BCO2: variants seen among roughly 807,000 people sequenced by gnomAD.
BCO2 encodes the protein beta-carotene oxygenase 2, also known as carotenoid-cleaving dioxygenase, mitochondrial.
BCO2 carries 56 observed loss-of-function variants against 65.8 expected under a neutral mutation model. That is an observed-to-expected ratio of 0.85 (90% CI 0.69 to 1.06). The LOEUF (loss-of-function observed/expected upper bound fraction) is 1.06, where lower values mean the gene tolerates loss of function less well. Ranked by LOEUF, BCO2 falls within the 50% of genes least tolerant of loss-of-function variation. BCO2 has a pLI of 0.00. For missense variants in BCO2, 675 were observed against 698.5 expected (o/e 0.97, Z 0.38); for synonymous variants, 233 against 242.3 (o/e 0.96, Z 0.36).
intron 8 of BCO2, among the ~76,000 whole-genome samples, chr11:112,211,846 C>T (rs1236538503): frequency 6.6e-6 from 1 of 152,176 alleles, no homozygotes; most frequent in Non-Finnish European, 1.5e-5. Context: ...CTCACCAGTG[C>T]CTTCAGGCAG....
rs182461794 is a variant in BCO2, at chr11:112,194,005, G to C, written c.633+11G>C. 1,601 of 1,380,390 alleles carry C rather than the reference G, an allele frequency of 1.2e-3. 18 individuals carry two copies. In the African/African-American group the frequency reaches 0.02, roughly 17 times the overall value. 85.5% of individuals were successfully genotyped at this position (1,380,390 alleles called of 1,614,324 possible). ...GAAAAAACAGAAAAGGTAAAGTACAGGTAAAAAAAAATGAATAAAATAGAT... is the reference window on the plus strand; with the variant it reads ...GAAAAAACAGAAAAGGTAAAGTACACGTAAAAAAAAATGAATAAAATAGAT... On this transcript the variant is annotated intron_variant, in intron 4 of 11. Transcript: ENST00000357685.
At chr11:112,216,172 C>T (rs755878764) in intron 10 of BCO2, 48 bp from the exon 11 acceptor site, 35 of 1,290,494 alleles carry the variant, frequency 2.7e-5, no homozygotes, top group Non-Finnish European at 3.5e-5. Flanking sequence ...TAGAAAGCTC[C>T]CTACTTACTA....
At chr11:112,216,479 A>C in intron 11 of BCO2, 149 bp downstream of exon 11, 2 of 579,770 alleles carry the variant, frequency 3.4e-6, no homozygotes, top group Non-Finnish European at 6.1e-6. Context: ...CTTTTATCTC[A>C]ATCCATATTT....
At chr11:112,208,005 G>A (rs895274819) in intron 8 of BCO2, among the ~76,000 whole-genome samples, 2 of 151,484 alleles carry the variant, frequency 1.3e-5, no homozygotes, top group Admixed American at 1.3e-4. Context: ...TGTCACCAAG[G>A]CTGGAGTGCA....
chr11:112,185,631 T>A (rs1592838851), intron 2 of BCO2, among the ~76,000 whole-genome samples: 1 of 152,194 alleles, frequency 6.6e-6, no homozygotes, highest in African/African-American at 2.4e-5. Context: ...TATGTAGTAT[T>A]TTTTGCTCCA....
In BCO2 at chr11:112,179,465, C is replaced by T. The variant is rs539947425; in HGVS notation, c.276C>T (p.Phe92=). 6 of 1,613,948 alleles carry T rather than the reference C, an allele frequency of 3.7e-6. No homozygotes were observed. The highest frequency in any genetic ancestry group is 2.7e-5 in the African/African-American group (2 of 74,964). ...GSLLRIGPGK[F]EFGKDKYNHW... ...TACTTCGAATTGGACCTGGGAAATTCGAGTTTGGGAAGGATAAGTAAGCCT... is the reference window on the plus strand; with the variant it reads ...TACTTCGAATTGGACCTGGGAAATTTGAGTTTGGGAAGGATAAGTAAGCCT... Residue 92 remains phenylalanine (F), a synonymous_variant, in exon 2 of 12, where the codon TTC becomes TTT. Coordinates refer to ENST00000357685, the MANE Select transcript of BCO2 (RefSeq NM_031938.7).
At chr11:112,199,193 G>A (rs924807889) in intron 5 of BCO2, among the ~76,000 whole-genome samples, 1 of 152,148 alleles carries the variant, frequency 6.6e-6, no homozygotes, top group African/African-American at 2.4e-5. Context: ...CCACTTATGA[G>A]TGAGAACATG....
intron 1 of BCO2, among the ~76,000 whole-genome samples, chr11:112,179,051 T>C (rs535693318): frequency 6.6e-6 from 1 of 152,292 alleles, no homozygotes; most frequent in South Asian, 2.1e-4. Context: ...TTAGGCAGAT[T>C]AGTACTACAA....
chr11:112,206,483 G>T (rs141213400), intron 8 of BCO2, among the ~76,000 whole-genome samples: 1 of 152,176 alleles, frequency 6.6e-6, no homozygotes, highest in Non-Finnish European at 1.5e-5. Context: ...TTGAGGCCAG[G>T]TGTGGTGGCT....
At chr11:112,192,001 A>C (rs1401328313) in intron 2 of BCO2, among the ~76,000 whole-genome samples, 1 of 152,170 alleles carries the variant, frequency 6.6e-6, no homozygotes, top group Non-Finnish European at 1.5e-5. Flanking sequence ...TCATCTCGTC[A>C]TGAAACAGAT....
intron 8 of BCO2, among the ~76,000 whole-genome samples, chr11:112,203,174 C>G (rs1035441469): frequency 9.9e-5 from 15 of 152,100 alleles, no homozygotes; most frequent in African/African-American, 1.4e-4. Context: ...AAGGGATTCA[C>G]TTTTTCCTGA....
chr11:112,189,771 T>C (rs1337847039), intron 2 of BCO2, among the ~76,000 whole-genome samples: 1 of 152,120 alleles, frequency 6.6e-6, no homozygotes, highest in African/African-American at 2.4e-5. Flanking sequence ...GAAATGTTTC[T>C]CAAAAAAATT....
Position 112,216,308 on chromosome 11 carries a change from C to T in BCO2, c.1604C>T (p.Ser535Phe), listed in dbSNP as rs1859677088. 6.2e-7 allele frequency: 1 copy of T among 1,613,830 alleles called. No individual in the cohort carries two copies. The highest frequency in any genetic ancestry group is 1.3e-5 in the African/African-American group (1 of 74,912). Residue 535 changes from serine to phenylalanine, a missense_variant, in exon 11 of 12, where the codon TCT (serine) becomes TTT (phenylalanine). Coordinates refer to ENST00000357685, the MANE Select transcript of BCO2 (RefSeq NM_031938.7). ...GAAGAAGATGGTGGGGTTATTCTTT[C>T]TGTGGTGATCACTCCCAACCAGGTA... ...TNEEDGGVIL[S>F]VVITPNQNES...
At chr11:112,202,799 A>G in intron 8 of BCO2, among the ~76,000 whole-genome samples, 1 of 152,144 alleles carries the variant, frequency 6.6e-6, no homozygotes, top group Non-Finnish European at 1.5e-5. Context: ...TAATCCCAGC[A>G]GTTTGGGAGG....
chr11:112,189,405 T>G (rs147664264), intron 2 of BCO2, among the ~76,000 whole-genome samples: 91,167 of 120,202 alleles, frequency 0.76, 31,663 homozygotes, highest in East Asian at 0.8. Context: ...GAAAAGGAAA[T>G]TTTTTTTTTT....
At chr11:112,194,054 A>G in intron 4 of BCO2, 60 bp downstream of exon 4, 1 of 1,015,676 alleles carries the variant, frequency 9.8e-7, no homozygotes, top group Admixed American at 1.8e-5. Context: ...TCCATTTGAA[A>G]TACTTTTTAG....
intron 8 of BCO2, among the ~76,000 whole-genome samples, chr11:112,204,220 T>C (rs1039119750): frequency 3.3e-5 from 5 of 152,206 alleles, no homozygotes; most frequent in African/African-American, 1.2e-4. Context: ...GGTCCATCCA[T>C]GTTGTAGCAG....
rs567337324 is a variant in BCO2 at position 112,180,780 on chromosome 11, G to A, written c.293+1298G>A. 236 of 971,212 alleles carry A rather than the reference G, an allele frequency of 2.4e-4. 1 individual carries two copies. The African/African-American group carries it at 3.1e-3, about 13-fold the overall frequency. 60.2% of individuals were successfully genotyped at this position (971,212 alleles called of 1,614,324 possible). On this transcript the variant is annotated intron_variant, in intron 2 of 11. Transcript: ENST00000357685. ...CCCAGTGGGGGCAGCGTGATGAGGC[G>A]GATGACCCTGTTCCTGAACGGCAGC...
intron 2 of BCO2, among the ~76,000 whole-genome samples, chr11:112,182,404 A>G (rs1265267177): frequency 6.6e-6 from 1 of 152,210 alleles, no homozygotes; most frequent in East Asian, 1.9e-4. Flanking sequence ...ATGCACACCT[A>G]TGTTTATTGT....
Sources: allele counts gnomAD v4.1 joint callset (sites outside exome capture counted in the v4.1 genomes callset), GRCh38; gene constraint gnomAD v4.1.1; transcripts MANE v1.5; gene names NCBI Gene and HGNC (gene_info 2026-07-23, HGNC 2026-07-21).